The following POLQ variants were observed in gnomAD, a reference collection of about 807,000 sequenced individuals.
The protein encoded by POLQ is epididymis secretory sperm binding protein.
POLQ carries 233 observed loss-of-function variants against 259.2 expected under a neutral mutation model. That is an observed-to-expected ratio of 0.90 (90% CI 0.81 to 1.00). POLQ has a LOEUF of 1.00. POLQ is among the 50% of genes least tolerant of loss of function. POLQ has a pLI of 0.00. For missense variants in POLQ, 2,871 were observed against 3,051.6 expected, an observed-to-expected ratio of 0.94 and a Z score of 1.39; for synonymous variants, 1,025 against 1,048.8, an observed-to-expected ratio of 0.98 and a Z score of 0.44.
At chr3:121,441,624 T>C (rs1320047034) in intron 26 of POLQ, among the ~76,000 whole-genome samples, 1 of 152,228 alleles carries the variant, frequency 6.6e-6, no homozygotes. Context: ...AAAATTTGTT[T>C]ATACATTTTC....
At chr3:121,482,451 C>T (rs920609223) in intron 18 of POLQ, among the ~76,000 whole-genome samples, 68 of 150,442 alleles carry the variant, frequency 4.5e-4, no homozygotes, top group African/African-American at 1.6e-3. Flanking sequence ...ACCTGGGAGG[C>T]GGAGGTTGCA....
chr3:121,444,482 A>G (rs940381603), intron 26 of POLQ, among the ~76,000 whole-genome samples: 1 of 152,166 alleles, frequency 6.6e-6, no homozygotes, highest in African/African-American at 2.4e-5. Flanking sequence ...TATCAGTTCT[A>G]ATAGTTTTTT....
chr3:121,445,360 G>C (rs1246985198), intron 26 of POLQ, among the ~76,000 whole-genome samples: 1 of 152,078 alleles, frequency 6.6e-6, no homozygotes, highest in African/African-American at 2.4e-5. Flanking sequence ...AATCTTGGCA[G>C]GTTGTATGTG....
chr3:121,451,176 G>C (rs1192413134), intron 25 of POLQ, among the ~76,000 whole-genome samples: 1 of 152,150 alleles, frequency 6.6e-6, no homozygotes, highest in Non-Finnish European at 1.5e-5. Context: ...GGTTATTCTA[G>C]TTAGCCATTC....
At position 121,498,583 on chromosome 3, in the gene POLQ, C is replaced by T. The variant is rs370985991; in HGVS notation, c.2047G>A (p.Val683Met). ...TCTTCAACTCCCACTAGCTCTGCCA[C>T]CCTTTTCATTGAAGTTGGCAACTTC... ...WEKLPTSMKRVAELVGVEEGF... is the reference protein window; with the variant it reads ...WEKLPTSMKRMAELVGVEEGF... The change falls in exon 13 of 30, where the codon GTG (valine) becomes ATG (methionine). Residue 683 changes from valine (V) to methionine (M), a missense_variant. Transcript: ENST00000264233. The T allele has an allele frequency of 1.9e-5, 31 of 1,613,784 alleles. No homozygotes were observed. The African/African-American group carries it at 3.7e-4, about 19-fold the overall frequency.
intron 20 of POLQ, among the ~76,000 whole-genome samples, chr3:121,475,317 T>C (rs2047917098): frequency 6.6e-6 from 1 of 152,194 alleles, no homozygotes; most frequent in Non-Finnish European, 1.5e-5. Flanking sequence ...CATATGGTAC[T>C]TATCTTTCTG....
Position 121,468,363 on chromosome 3 carries a change from G to A in POLQ, c.6787C>T (p.Leu2263=). Residue 2263 remains leucine, a synonymous_variant, in exon 23 of 30, where the codon CTA becomes TTA. Coordinates refer to ENST00000264233, the MANE Select transcript of POLQ (RefSeq NM_199420.4). ...PRDFEIKMPT[L]VGESPPSQAV... ...TGAGAAGGTGGGCTTTCTCCTACTAGTGTTGGCATTTTGATTTCAAAATCT... is the reference window on the plus strand; with the variant it reads ...TGAGAAGGTGGGCTTTCTCCTACTAATGTTGGCATTTTGATTTCAAAATCT... The A allele has an allele frequency of 1.2e-6, 2 of 1,611,180 alleles. No homozygotes were observed. Among genetic ancestry groups the A allele is most frequent in the Non-Finnish European group, 1.7e-6 (2 of 1,177,454 alleles).
At chr3:121,513,850 C>A (rs899470660) in intron 9 of POLQ, among the ~76,000 whole-genome samples, 9 of 151,736 alleles carry the variant, frequency 5.9e-5, no homozygotes, top group Admixed American at 5.3e-4. Context: ...TGGTGAAACC[C>A]CGTCTCTACT....
intron 19 of POLQ, 70 bp from the exon 20 acceptor site, chr3:121,476,803 CT>C (rs1409885994): frequency 1.7e-5 from 18 of 1,043,060 alleles, no homozygotes; most frequent in Non-Finnish European, 2.4e-5. Flanking sequence ...CTTACCTAAA[CT>C]ATACAGAATT....
intron 12 of POLQ, among the ~76,000 whole-genome samples, chr3:121,503,863 A>ATT (rs1576419643): frequency 6.6e-6 from 1 of 152,138 alleles, no homozygotes. Flanking sequence ...ACAGAAAAAA[A>ATT]TTTTTTTGAG....
intron 14 of POLQ, among the ~76,000 whole-genome samples, chr3:121,495,433 C>G (rs931056545): frequency 1.4e-4 from 22 of 152,020 alleles, no homozygotes; most frequent in Admixed American, 6.5e-5. Flanking sequence ...ATAAAGAAAC[C>G]AAAACAAGTG....
At chr3:121,440,895 T>C (rs2047586306) in intron 26 of POLQ, among the ~76,000 whole-genome samples, 1 of 152,082 alleles carries the variant, frequency 6.6e-6, no homozygotes, top group South Asian at 2.1e-4. Flanking sequence ...TTACGATAAA[T>C]ATTTCACTAG....
At position 121,489,931 on chromosome 3, in the gene POLQ, C is replaced by T. The variant is rs761849735; in HGVS notation, c.3000G>A (p.Lys1000=). The T allele has an allele frequency of 6.3e-7, 1 of 1,581,444 alleles. No homozygotes were observed. Among genetic ancestry groups the T allele is most frequent in the South Asian group, 1.2e-5 (1 of 84,034 alleles). Residue 1000 remains lysine (K), a synonymous_variant, in exon 16 of 30, where the codon AAG becomes AAA. Coordinates refer to ENST00000264233, the MANE Select transcript of POLQ (RefSeq NM_199420.4). ...KRASLDINKE[K]PGASQNEGKT... is the part of the protein sequence containing the mutation. ...TCCCCTCATTCTGAGAGGCTCCTGGCTTCTCTTTATTTATATCTAAAGAGG... is the reference window on the plus strand; with the variant it reads ...TCCCCTCATTCTGAGAGGCTCCTGGTTTCTCTTTATTTATATCTAAAGAGG...
chr3:121,492,801 ATTTT>A (rs35516373), intron 15 of POLQ, among the ~76,000 whole-genome samples: 10 of 124,844 alleles, frequency 8.0e-5, no homozygotes, highest in Admixed American at 1.7e-4. Context: ...ATGCCCAGCT[ATTTT>A]TTTTTTTTTT....
intron 12 of POLQ, among the ~76,000 whole-genome samples, chr3:121,500,946 A>G (rs1002342121): frequency 2.6e-5 from 4 of 152,202 alleles, no homozygotes; most frequent in Admixed American, 6.5e-5. Context: ...GCTCAAAGAA[A>G]AAAAAATCTG....
rs1181249485 is a variant in POLQ at position 121,510,629 on chromosome 3, A to T, written c.1612-386T>A. Among the ~76,000 whole-genome samples the T allele has an allele frequency of 2.0e-5, 3 of 152,290 alleles. No individual in the cohort carries two copies. The East Asian group carries it at 5.8e-4, about 29-fold the overall frequency. On this transcript the variant is annotated intron_variant, in intron 10 of 29. Coordinates refer to ENST00000264233, the MANE Select transcript of POLQ (RefSeq NM_199420.4). Reference sequence around the variant, plus strand: ...TAAAACATGCAAGCCCTCTGAATATAAAATAAAGCAAGCTATTTCATTCTC... The same window carrying T: ...TAAAACATGCAAGCCCTCTGAATATTAAATAAAGCAAGCTATTTCATTCTC...
At chr3:121,498,333 TG>T in intron 13 of POLQ, 143 bp downstream of exon 13, 1 of 510,406 alleles carries the variant, frequency 2.0e-6, no homozygotes, top group Non-Finnish European at 3.3e-6. Context: ...AAAAAGAAAA[TG>T]AAAAAAAAGA....
At chr3:121,473,235 T>C (rs2047899542) in intron 21 of POLQ, 115 bp downstream of exon 21, 1 of 929,978 alleles carries the variant, frequency 1.1e-6, no homozygotes, top group South Asian at 2.0e-5. Context: ...AATTTATATC[T>C]GGGTAAATTC....
chr3:121,482,956 A>G (rs1298120615), intron 18 of POLQ, among the ~76,000 whole-genome samples: 1 of 152,204 alleles, frequency 6.6e-6, no homozygotes, highest in African/African-American at 2.4e-5. Flanking sequence ...ATTTGCCTCT[A>G]TGCTAAATGG....
Sources: gnomAD v4.1 joint callset for allele counts (sites outside exome capture counted in the v4.1 genomes callset) on GRCh38, gnomAD v4.1.1 for gene constraint, MANE v1.5 for transcripts, NCBI Gene and HGNC (gene_info 2026-07-23, HGNC 2026-07-21) for gene names.